The following ALPK2 variants were observed in gnomAD, a reference collection of about 807,000 sequenced individuals.
ALPK2 encodes the protein alpha-protein kinase 2.
A neutral mutation model predicts 163.1 loss-of-function variants in ALPK2; 127 were observed. The ratio of observed to expected loss-of-function variants is 0.78; its 90% CI spans 0.67 to 0.90. The LOEUF (loss-of-function observed/expected upper bound fraction) is 0.90, where lower values mean the gene tolerates loss of function less well. Among genes scored for constraint, ALPK2 ranks in the 40% least tolerant of loss-of-function variants. The pLI is 0.00. For missense variants in ALPK2, 2,360 were observed against 2,589.6 expected, an observed-to-expected ratio of 0.91 and a Z score of 1.92; for synonymous variants, 953 against 959.1, an observed-to-expected ratio of 0.99 and a Z score of 0.12.
At chr18:58,521,516 C>T (rs188659437) in intron 8 of ALPK2, among the ~76,000 whole-genome samples, 17 of 151,682 alleles carry the variant, frequency 1.1e-4, no homozygotes, top group East Asian at 9.7e-4. Context: ...ACACTAAAGA[C>T]GGGTATTTAG....
intron 4 of ALPK2, chr18:58,538,561 A>G (rs532385275): frequency 3.9e-6 from 1 of 256,742 alleles, no homozygotes; most frequent in South Asian, 7.4e-5. Flanking sequence ...GTAAGTCACA[A>G]CAAGAGCTGT....
chr18:58,553,729 T>G (rs999295507), intron 4 of ALPK2, among the ~76,000 whole-genome samples: 3 of 152,076 alleles, frequency 2.0e-5, no homozygotes, highest in Admixed American at 6.5e-5. Context: ...TTGCTTCCCC[T>G]TCACCTTCTG....
At chr18:58,497,547 A>C (rs1405541638) in intron 12 of ALPK2, among the ~76,000 whole-genome samples, 4 of 152,240 alleles carry the variant, frequency 2.6e-5, no homozygotes, top group African/African-American at 9.6e-5. Context: ...ACAGGTAACT[A>C]ATCACAGCTC....
chr18:58,614,104 C>T (rs1252630895), intron 1 of ALPK2, among the ~76,000 whole-genome samples: 6 of 152,158 alleles, frequency 3.9e-5, no homozygotes, highest in Non-Finnish European at 2.9e-5. Flanking sequence ...CAACTTTGTG[C>T]TTAAACCTGA....
intron 8 of ALPK2, 55 bp from the exon 9 acceptor site, chr18:58,517,237 G>T (rs959848459): frequency 2.6e-6 from 4 of 1,562,978 alleles, no homozygotes; most frequent in South Asian, 1.2e-5. Context: ...CTGCTCCTTG[G>T]CTAACTCCAC....
intron 3 of ALPK2, among the ~76,000 whole-genome samples, chr18:58,602,783 G>A (rs566020081): frequency 2.0e-5 from 3 of 152,258 alleles, no homozygotes; most frequent in East Asian, 3.9e-4. Context: ...TACAGGTCAC[G>A]AAGACCCTGC....
At chr18:58,507,557 G>A (rs542954916) in intron 10 of ALPK2, among the ~76,000 whole-genome samples, 1 of 152,158 alleles carries the variant, frequency 6.6e-6, no homozygotes, top group African/African-American at 2.4e-5. Context: ...GAGAGGGAAC[G>A]TGGGCCTCTA....
chr18:58,550,451 T>C (rs2051747719), intron 4 of ALPK2, among the ~76,000 whole-genome samples: 1 of 144,218 alleles, frequency 6.9e-6, no homozygotes, highest in Admixed American at 6.9e-5. Context: ...CTATATCATA[T>C]ACAACCCCAT....
intron 4 of ALPK2, among the ~76,000 whole-genome samples, chr18:58,567,887 C>G (rs1024972218): frequency 1.3e-5 from 2 of 152,146 alleles, no homozygotes; most frequent in Non-Finnish European, 2.9e-5. Context: ...GAGTGGCGCC[C>G]CCAGACCCAC....
intron 10 of ALPK2, among the ~76,000 whole-genome samples, chr18:58,508,931 C>G (rs1056250156): frequency 1.3e-5 from 2 of 151,648 alleles, no homozygotes; most frequent in African/African-American, 2.4e-5. Flanking sequence ...ATGTGCACAA[C>G]CTGCAGGTTT....
At chr18:58,517,912 A>G (rs2051531012) in intron 8 of ALPK2, among the ~76,000 whole-genome samples, 2 of 152,222 alleles carry the variant, frequency 1.3e-5, no homozygotes, top group African/African-American at 4.8e-5. Context: ...AAAGAAAAGT[A>G]GAATTATTTT....
At chr18:58,545,604 G>C (rs954677611) in intron 4 of ALPK2, among the ~76,000 whole-genome samples, 2 of 152,226 alleles carry the variant, frequency 1.3e-5, no homozygotes, top group Non-Finnish European at 2.9e-5. Flanking sequence ...CAGAAGCCCC[G>C]GGGCCAGGAG....
rs1338637393 is a variant in ALPK2, at chr18:58,580,294, G to A, written c.482C>T (p.Ala161Val). ...ESISPGTPRSADSSPSKSNHS... is the reference protein window; with the variant it reads ...ESISPGTPRSVDSSPSKSNHS... ...GTTGGATTTGGAGGGGGAGGAGTCA[G>A]CTGACCTGGGAGTGCCCGGGGAGAT... The change falls in exon 4 of 13, where the codon GCT becomes GTT. Residue 161 changes from alanine (A) to valine (V), a missense_variant. Coordinates refer to ENST00000361673, the MANE Select transcript of ALPK2 (RefSeq NM_052947.4). 6.2e-7 allele frequency: 1 copy of A among 1,614,188 alleles called. No homozygotes were observed. The highest frequency in any genetic ancestry group is 2.2e-5 in the East Asian group (1 of 44,890).
In ALPK2 at chr18:58,523,802, T is replaced by G. The variant is rs748394687; in HGVS notation, c.5665+4A>C. On this transcript the variant is annotated splice_donor_region_variant and intron_variant, in intron 8 of 12. Coordinates refer to ENST00000361673, the MANE Select transcript of ALPK2 (RefSeq NM_052947.4). ...CTCTGGCAGGTCAACCCTAACTGAC[T>G]TACCTTTAGTATCCTGGCGACTTGA... 6.2e-7 allele frequency: 1 copy of G among 1,614,224 alleles called. No individual in the cohort carries two copies. Among genetic ancestry groups the G allele is most frequent in the Non-Finnish European group, 8.5e-7 (1 of 1,180,014 alleles).
chr18:58,574,420 C>G (rs1214070638), intron 4 of ALPK2, among the ~76,000 whole-genome samples: 1 of 120,202 alleles, frequency 8.3e-6, no homozygotes, highest in African/African-American at 3.3e-5. Flanking sequence ...GTCTGGGCAA[C>G]AGAGTGAGAC....
chr18:58,543,136 G>T (rs940164999), intron 4 of ALPK2, among the ~76,000 whole-genome samples: 8 of 152,286 alleles, frequency 5.3e-5, no homozygotes, highest in Admixed American at 2.0e-4. Flanking sequence ...GTGGCATAGA[G>T]CGTGCTTAGC....
At chr18:58,494,379 C>T (rs1036383730) in intron 12 of ALPK2, among the ~76,000 whole-genome samples, 1 of 152,128 alleles carries the variant, frequency 6.6e-6, no homozygotes, top group South Asian at 2.1e-4. Context: ...TTAAAAGGAA[C>T]ATACAATGAA....
At chr18:58,569,326 A>G (rs549472692) in intron 4 of ALPK2, among the ~76,000 whole-genome samples, 1 of 152,312 alleles carries the variant, frequency 6.6e-6, no homozygotes, top group East Asian at 1.9e-4. Context: ...AAATCACATC[A>G]GAATGTCTGA....
chr18:58,590,719 T>C (rs950912482), intron 3 of ALPK2, among the ~76,000 whole-genome samples: 2 of 152,212 alleles, frequency 1.3e-5, no homozygotes, highest in Admixed American at 6.5e-5. Flanking sequence ...TTGATCATAT[T>C]TTCTATAAGT....
Sources: allele counts gnomAD v4.1 joint callset (sites outside exome capture counted in the v4.1 genomes callset), GRCh38; gene constraint gnomAD v4.1.1; transcripts MANE v1.5; gene names NCBI Gene and HGNC (gene_info 2026-07-23, HGNC 2026-07-21).